Variants in LRBA observed in about 807,000 individuals in gnomAD.
LRBA encodes the protein LPS responsive beige-like anchor protein, also known as lipopolysaccharide-responsive and beige-like anchor protein.
LRBA carries 176 observed loss-of-function variants against 330.0 expected under a neutral mutation model. The observed-to-expected ratio is 0.53, with a 90% CI of 0.47 to 0.60. LRBA has a LOEUF of 0.60. Ranked by LOEUF, LRBA falls within the 20% of genes least tolerant of loss-of-function variation. LRBA has a pLI of 0.00. For synonymous variants in LRBA, 1,230 were observed against 1,193.0 expected (o/e 1.03, Z -0.64); for missense variants, 3,259 against 3,444.8 (o/e 0.95, Z 1.35).
Position 150,736,947 on chromosome 4 carries a change from C to T in LRBA, c.5646-1581G>A, listed in dbSNP as rs142910187. 3.9e-3 allele frequency among the ~76,000 whole-genome samples: 588 copies of T among 152,298 alleles called. 4 individuals carry two copies. Among genetic ancestry groups the T allele is most frequent in the Middle Eastern group, 0.034 (10 of 294 alleles). ...ACTACCTAAAAGGCCAGGCCAGTGG[C>T]TCACACCTGTAATCCCAGCACTTTG... On this transcript the variant is annotated intron_variant, in intron 35 of 56. Transcript: ENST00000651943.
intron 33 of LRBA, 77 bp downstream of exon 33, chr4:150,806,193 AT>A (rs1742766349): frequency 8.9e-7 from 1 of 1,118,248 alleles, no homozygotes; most frequent in African/African-American, 1.6e-5. Flanking sequence ...ATGAAACTCC[AT>A]GTTATTTCAT....
intron 47 of LRBA, among the ~76,000 whole-genome samples, chr4:150,377,036 T>C (rs1741444346): frequency 6.6e-6 from 1 of 151,760 alleles, no homozygotes; most frequent in Admixed American, 6.6e-5. Flanking sequence ...GACTCATGCC[T>C]GTAATCCTAC....
intron 2 of LRBA, among the ~76,000 whole-genome samples, chr4:150,988,001 C>CAA (rs545392419): frequency 4.4e-4 from 30 of 68,548 alleles, no homozygotes; most frequent in Admixed American, 1.7e-3. Flanking sequence ...GACTCCGTCT[C>CAA]AAAAAAAAAA....
intron 2 of LRBA, among the ~76,000 whole-genome samples, chr4:150,940,398 T>C (rs541106392): frequency 6.6e-6 from 1 of 152,304 alleles, no homozygotes; most frequent in African/African-American, 2.4e-5. Flanking sequence ...CAAGATGCTT[T>C]CTCAAAAAAA....
intron 40 of LRBA, chr4:150,579,205 C>A: frequency 2.2e-6 from 1 of 456,686 alleles, no homozygotes; most frequent in Non-Finnish European, 4.4e-6. Flanking sequence ...TGCTGATGGA[C>A]TTCTATACTA....
intron 39 of LRBA, among the ~76,000 whole-genome samples, chr4:150,589,844 C>A (rs1368113982): frequency 6.6e-6 from 1 of 152,118 alleles, no homozygotes; most frequent in Non-Finnish European, 1.5e-5. Context: ...TACAGAATAG[C>A]AGTATCTACC....
chr4:150,275,955 A>G (rs1322533354), intron 56 of LRBA, among the ~76,000 whole-genome samples: 1 of 152,208 alleles, frequency 6.6e-6, no homozygotes, highest in African/African-American at 2.4e-5. Flanking sequence ...ATGGAACCAA[A>G]AAAGAGCCTG....
At chr4:150,601,479 T>C (rs1296763475) in intron 37 of LRBA, among the ~76,000 whole-genome samples, 3 of 151,860 alleles carry the variant, frequency 2.0e-5, no homozygotes, top group African/African-American at 2.4e-5. Context: ...ATAGCAAAAA[T>C]AACCAAAATT....
intron 2 of LRBA, among the ~76,000 whole-genome samples, chr4:150,951,731 C>T (rs1283887759): frequency 3.3e-5 from 5 of 152,038 alleles, no homozygotes; most frequent in African/African-American, 1.2e-4. Context: ...TAGTTAGGTC[C>T]TGGTAACTAT....
intron 28 of LRBA, among the ~76,000 whole-genome samples, chr4:150,839,937 A>G (rs1748806730): frequency 6.6e-6 from 1 of 151,670 alleles, no homozygotes; most frequent in Non-Finnish European, 1.5e-5. Context: ...CCTAGTGTAG[A>G]CACCTTCATC....
chr4:150,750,932 C>T (rs1444178635), intron 35 of LRBA, among the ~76,000 whole-genome samples: 3 of 146,840 alleles, frequency 2.0e-5, no homozygotes, highest in Admixed American at 2.0e-4. Flanking sequence ...AAAAAAAGGA[C>T]TAAAAAAATC....
chr4:150,899,140 G>C lies in LRBA; in HGVS notation c.1924+909C>G, dbSNP rs75427130. Among the ~76,000 whole-genome samples the C allele has an allele frequency of 4.7e-3, 711 of 152,202 alleles. 7 individuals carry two copies. The highest frequency in any genetic ancestry group is 0.016 in the African/African-American group (678 of 41,534). ...ACTTAGGGGATGCCTCCATTTCTAA[G>C]CAATCAGGGCAACTACAACCACAAA... On this transcript the variant is annotated intron_variant, in intron 14 of 56. Coordinates refer to ENST00000651943, the MANE Select transcript of LRBA (RefSeq NM_001364905.1).
Position 150,831,996 on chromosome 4 carries a change from G to A in LRBA, c.4570-20C>T, listed in dbSNP as rs1747267052. 1.4e-6 allele frequency: 2 copies of A among 1,448,510 alleles called. No homozygotes were observed. The highest frequency in any genetic ancestry group is 1.8e-6 in the Non-Finnish European group (2 of 1,084,710). 89.7% of individuals were successfully genotyped at this position (1,448,510 alleles called of 1,614,324 possible). ...ATCCTCCTGGGAAAAAAAATTAAAG[G>A]AGTTGATTATGTAACCATAAAATAA... On this transcript the variant is annotated intron_variant, in intron 28 of 56. Coordinates refer to ENST00000651943, the MANE Select transcript of LRBA (RefSeq NM_001364905.1).
chr4:150,264,524 A>AGAT lies in LRBA; in HGVS notation c.*1195_*1197dup, dbSNP rs1745067604. 6.6e-6 allele frequency: 1 copy of AGAT among 152,262 alleles called. No individual in the cohort carries two copies. The highest frequency in any genetic ancestry group is 6.5e-5 in the Admixed American group (1 of 15,282). 9.4% of individuals were successfully genotyped at this position (152,262 alleles called of 1,614,324 possible). A position where few individuals can be genotyped will look rare whatever the true frequency, so the allele number is the denominator to read the frequency against. ...AAGGCATTTCCAACAATTCAATTAC[A>AGAT]GATGCCATTTTATTCAGCTTTTTCT... On this transcript the variant is annotated 3_prime_UTR_variant, in exon 57 of 57. Coordinates refer to ENST00000651943, the MANE Select transcript of LRBA (RefSeq NM_001364905.1).
chr4:150,333,553 T>C (rs1267155159), intron 48 of LRBA, among the ~76,000 whole-genome samples: 1 of 152,176 alleles, frequency 6.6e-6, no homozygotes, highest in South Asian at 2.1e-4. Context: ...TTAAATTCTT[T>C]TCAATATTTA....
At chr4:150,913,169 TGC>T (rs1279494780) in intron 9 of LRBA, among the ~76,000 whole-genome samples, 1 of 152,190 alleles carries the variant, frequency 6.6e-6, no homozygotes, top group Non-Finnish European at 1.5e-5. Context: ...GTTCTGTGTG[TGC>T]TTAAGAAAAA....
Position 150,424,629 on chromosome 4 carries a change from GCA to G in LRBA, c.7042-9041_7042-9040del, listed in dbSNP as rs368621265. Among the ~76,000 whole-genome samples, 155 of 149,900 alleles carry G rather than the reference GCA, an allele frequency of 1.0e-3. No individual in the cohort carries two copies. The South Asian group carries it at 0.012, about 12-fold the overall frequency. On this transcript the variant is annotated intron_variant, in intron 46 of 56. Transcript: ENST00000651943. The stretch of plus-strand genomic sequence containing the variant: ...GGAGCACGTGCGCGCGTGCACACAC[GCA>G]CACACACACACACACACAGAGTCAG...
chr4:151,008,115 T>C (rs1368317792), intron 2 of LRBA, among the ~76,000 whole-genome samples: 1 of 151,748 alleles, frequency 6.6e-6, no homozygotes, highest in Non-Finnish European at 1.5e-5. Flanking sequence ...AGTTTCATTC[T>C]TGTTGCCCAG....
intron 15 of LRBA, 142 bp downstream of exon 15, chr4:150,897,597 A>G: frequency 1.7e-6 from 1 of 603,924 alleles, no homozygotes; most frequent in Non-Finnish European, 2.9e-6. Flanking sequence ...GAACCAAAAC[A>G]AACATGGAAA....
Sources: allele counts gnomAD v4.1 joint callset (sites outside exome capture counted in the v4.1 genomes callset), GRCh38; gene constraint gnomAD v4.1.1; transcripts MANE v1.5; gene names NCBI Gene and HGNC (gene_info 2026-07-23, HGNC 2026-07-21).